The following SLC4A4 variants were observed in gnomAD, a reference collection of about 807,000 sequenced individuals.
SLC4A4 encodes electrogenic sodium bicarbonate cotransporter 1.
A neutral mutation model predicts 111.5 loss-of-function variants in SLC4A4; 27 were observed. The observed-to-expected ratio is 0.24, with a 90% CI of 0.18 to 0.33. The LOEUF is 0.33. Ranked by LOEUF, SLC4A4 falls within the 10% of genes least tolerant of loss-of-function variation. The probability of loss-of-function intolerance (pLI) is 1.00; values close to 1 mark genes in which losing one functional copy is unlikely to be tolerated. For synonymous variants in SLC4A4, 443 were observed against 463.4 expected (o/e 0.96, Z 0.57); for missense variants, 909 against 1,315.5 (o/e 0.69, Z 4.78).
chr4:71,151,250 G>A (rs1473527889), intron 2 of SLC4A4, among the ~76,000 whole-genome samples: 3 of 152,178 alleles, frequency 2.0e-5, no homozygotes, highest in Non-Finnish European at 4.4e-5. Context: ...CATTTGTTGT[G>A]TGTTTAACTT....
intron 2 of SLC4A4, among the ~76,000 whole-genome samples, chr4:71,170,168 A>G (rs916530451): frequency 7.2e-5 from 11 of 152,054 alleles, no homozygotes; most frequent in African/African-American, 2.7e-4. Context: ...TTATCATCCT[A>G]TTTATTTCTA....
At chr4:71,200,031 A>T (rs1746178727) in intron 1 of SLC4A4, among the ~76,000 whole-genome samples, 1 of 152,202 alleles carries the variant, frequency 6.6e-6, no homozygotes. Flanking sequence ...TTGAGTTGAC[A>T]GCTGATGGAA....
intron 4 of SLC4A4, among the ~76,000 whole-genome samples, chr4:71,345,307 T>C (rs1157298103): frequency 6.6e-6 from 1 of 151,486 alleles, no homozygotes; most frequent in Non-Finnish European, 1.5e-5. Context: ...AGAAAGGGAC[T>C]TTTTTTTTCC....
intron 1 of SLC4A4, among the ~76,000 whole-genome samples, chr4:71,205,584 G>A (rs1717706222): frequency 6.6e-6 from 1 of 152,046 alleles, no homozygotes; most frequent in Admixed American, 6.6e-5. Context: ...AGTATGTCCA[G>A]CATATTTATG....
intron 2 of SLC4A4, among the ~76,000 whole-genome samples, chr4:71,153,885 T>C (rs1184280780): frequency 6.6e-6 from 1 of 152,128 alleles, no homozygotes; most frequent in Non-Finnish European, 1.5e-5. Flanking sequence ...TGGAAGCACA[T>C]AATCAGGGTC....
At chr4:71,488,967 C>T (rs1009053191) in intron 15 of SLC4A4, among the ~76,000 whole-genome samples, 24 of 141,462 alleles carry the variant, frequency 1.7e-4, no homozygotes, top group Admixed American at 1.5e-3. Flanking sequence ...TTCATTTCTC[C>T]TTTTTCATTT....
intron 20 of SLC4A4, among the ~76,000 whole-genome samples, chr4:71,554,189 C>G (rs1736274186): frequency 6.6e-6 from 1 of 151,824 alleles, no homozygotes; most frequent in African/African-American, 2.4e-5. Context: ...TAAAGCCATA[C>G]TATGTTTTCT....
At chr4:71,111,528 T>A (rs1743085808) in intron 2 of SLC4A4, among the ~76,000 whole-genome samples, 11 of 112,278 alleles carry the variant, frequency 9.8e-5, no homozygotes, top group Admixed American at 1.9e-4. Context: ...GCTCAGGTTT[T>A]TTTTTTTTTT....
intron 2 of SLC4A4, among the ~76,000 whole-genome samples, chr4:71,141,889 A>G (rs1744007465): frequency 1.3e-5 from 2 of 152,256 alleles, no homozygotes; most frequent in Admixed American, 1.3e-4. Context: ...AGAAGAATGA[A>G]TAAGGAAGAA....
chr4:71,080,999 C>G (rs1741981206), intron 1 of SLC4A4, among the ~76,000 whole-genome samples: 1 of 152,050 alleles, frequency 6.6e-6, no homozygotes, highest in African/African-American at 2.4e-5. Flanking sequence ...ACTAAAACTC[C>G]TCTTGGATTC....
chr4:71,515,859 G>A (rs1411096751), intron 16 of SLC4A4, among the ~76,000 whole-genome samples: 1 of 151,900 alleles, frequency 6.6e-6, no homozygotes, highest in Non-Finnish European at 1.5e-5. Flanking sequence ...TGTCCTTACT[G>A]GTAAGGTGAG....
intron 6 of SLC4A4, among the ~76,000 whole-genome samples, chr4:71,366,094 A>C (rs1246320123): frequency 6.6e-6 from 1 of 152,156 alleles, no homozygotes; most frequent in East Asian, 1.9e-4. Flanking sequence ...TTCCAAATGG[A>C]GATTTCTAGG....
intron 2 of SLC4A4, among the ~76,000 whole-genome samples, chr4:71,139,892 A>T (rs1018029735): frequency 6.6e-6 from 1 of 152,210 alleles, no homozygotes. Flanking sequence ...AATATGCAAT[A>T]CATTGTTGTT....
chr4:71,169,755 T>A (rs555625328), intron 2 of SLC4A4, among the ~76,000 whole-genome samples: 1 of 152,352 alleles, frequency 6.6e-6, no homozygotes, highest in African/African-American at 2.4e-5. Flanking sequence ...GGTGTCAGCA[T>A]GTGGCAAGGG....
intron 3 of SLC4A4, among the ~76,000 whole-genome samples, chr4:71,297,931 A>C (rs192965433): frequency 2.1e-3 from 317 of 152,312 alleles, no homozygotes; most frequent in African/African-American, 7.3e-3. Flanking sequence ...TAACCAATAC[A>C]TTCATTTCCT....
At chr4:71,281,817 T>C (rs970697072) in intron 3 of SLC4A4, among the ~76,000 whole-genome samples, 3 of 152,218 alleles carry the variant, frequency 2.0e-5, no homozygotes, top group Admixed American at 1.3e-4. Context: ...ACACTAAATA[T>C]AGTGATACGT....
intron 3 of SLC4A4, among the ~76,000 whole-genome samples, chr4:71,285,383 C>T (rs1723835511): frequency 6.6e-6 from 1 of 151,964 alleles, no homozygotes; most frequent in Non-Finnish European, 1.5e-5. Flanking sequence ...TGGCGATTAC[C>T]CCCACTGGCT....
intron 16 of SLC4A4, among the ~76,000 whole-genome samples, chr4:71,523,151 A>G (rs1415376128): frequency 2.0e-5 from 3 of 151,812 alleles, no homozygotes; most frequent in Non-Finnish European, 4.4e-5. Flanking sequence ...TTAAAACAGG[A>G]GTAAGAAATA....
intron 23 of SLC4A4, 89 bp from the exon 24 acceptor site, chr4:71,563,704 A>G: frequency 1.2e-6 from 1 of 850,330 alleles, no homozygotes; most frequent in Non-Finnish European, 2.0e-6. Context: ...TATGTAAATG[A>G]TTATAGAAAA....
Sources: allele counts gnomAD v4.1 joint callset (sites outside exome capture counted in the v4.1 genomes callset), GRCh38; gene constraint gnomAD v4.1.1; transcripts MANE v1.5; gene names NCBI Gene and HGNC (gene_info 2026-07-23, HGNC 2026-07-21).